Variants in TDP1 observed in about 807,000 individuals in gnomAD.
TDP1 encodes the protein tyrosyl-DNA phosphodiesterase 1, also known as tyr-DNA phosphodiesterase 1.
TDP1 carries 64 observed loss-of-function variants against 81.5 expected under a neutral mutation model. The observed-to-expected ratio is 0.79, with a 90% CI of 0.64 to 0.97. The LOEUF (loss-of-function observed/expected upper bound fraction) is 0.97. Ranked by LOEUF, TDP1 falls within the 50% of genes least tolerant of loss-of-function variation. The probability of loss-of-function intolerance (pLI) is 0.00; values close to 1 mark genes in which losing one functional copy is unlikely to be tolerated. For synonymous variants in TDP1, 256 were observed against 264.3 expected, an observed-to-expected ratio of 0.97 and a Z score of 0.30; for missense variants, 723 against 743.8, an observed-to-expected ratio of 0.97 and a Z score of 0.33.
chr14:90,038,370 C>G (rs1888025609), intron 16 of TDP1, among the ~76,000 whole-genome samples: 1 of 152,128 alleles, frequency 6.6e-6, no homozygotes, highest in Non-Finnish European at 1.5e-5. Context: ...ACCATTCTCC[C>G]ACTGCCTTAT....
intron 6 of TDP1, 62 bp downstream of exon 6, chr14:89,971,333 T>A: frequency 1.6e-6 from 2 of 1,220,230 alleles, no homozygotes; most frequent in Non-Finnish European, 2.4e-6. Flanking sequence ...ACTTAGACAT[T>A]TAGTCCACCC....
At chr14:90,015,805 A>T (rs529098033) in intron 14 of TDP1, among the ~76,000 whole-genome samples, 3 of 152,240 alleles carry the variant, frequency 2.0e-5, no homozygotes, top group African/African-American at 4.8e-5. Flanking sequence ...ACACCATCAC[A>T]TTGGGGGTTA....
At chr14:89,978,328 C>T (rs1021208312) in intron 7 of TDP1, among the ~76,000 whole-genome samples, 3 of 152,194 alleles carry the variant, frequency 2.0e-5, no homozygotes, top group Non-Finnish European at 4.4e-5. Context: ...CTGTAGATTC[C>T]ACAATTGTAG....
At chr14:90,039,977 T>C (rs1260312283) in intron 16 of TDP1, among the ~76,000 whole-genome samples, 1 of 152,186 alleles carries the variant, frequency 6.6e-6, no homozygotes, top group Non-Finnish European at 1.5e-5. Context: ...TCCCGTTACA[T>C]GGTACTACCT....
chr14:89,974,648 GC>G (rs1202731573), intron 6 of TDP1, among the ~76,000 whole-genome samples: 4 of 143,010 alleles, frequency 2.8e-5, no homozygotes, highest in Non-Finnish European at 6.1e-5. Flanking sequence ...TTGCATGCAG[GC>G]CCCCGTTGCT....
At chr14:90,032,323 A>G (rs1013767301) in intron 15 of TDP1, among the ~76,000 whole-genome samples, 17 of 152,072 alleles carry the variant, frequency 1.1e-4, no homozygotes, top group Admixed American at 9.8e-4. Flanking sequence ...GTATGTGCCT[A>G]TTGAGGATTT....
chr14:89,992,088 C>T (rs1184571087), intron 13 of TDP1, 105 bp downstream of exon 13: 3 of 932,182 alleles, frequency 3.2e-6, no homozygotes, highest in Non-Finnish European at 5.1e-6. Flanking sequence ...TGTAATATAG[C>T]TATATTCTTT....
At chr14:89,983,345 G>GT in intron 8 of TDP1, 1 of 275,428 alleles carries the variant, frequency 3.6e-6, no homozygotes, top group Non-Finnish European at 7.2e-6. Flanking sequence ...GCTACCTCCT[G>GT]TGCTAAGTGT....
chr14:89,985,971 G>A (rs989721455), intron 10 of TDP1, among the ~76,000 whole-genome samples: 8 of 152,260 alleles, frequency 5.3e-5, no homozygotes, highest in African/African-American at 1.9e-4. Context: ...AGATTGCAGT[G>A]AGCTGAGACC....
intron 14 of TDP1, among the ~76,000 whole-genome samples, chr14:90,017,806 G>A (rs1167983545): frequency 2.6e-5 from 4 of 152,142 alleles, no homozygotes; most frequent in Non-Finnish European, 4.4e-5. Context: ...TTTAAAAAAA[G>A]TTTTTTTCCT....
At chr14:89,995,689 C>G (rs1896601894) in intron 14 of TDP1, among the ~76,000 whole-genome samples, 1 of 152,198 alleles carries the variant, frequency 6.6e-6, no homozygotes, top group East Asian at 1.9e-4. Context: ...TTGTCTGTCA[C>G]TTTTTCTGAA....
At chr14:89,998,241 AG>A (rs1566890341) in intron 14 of TDP1, among the ~76,000 whole-genome samples, 2 of 151,778 alleles carry the variant, frequency 1.3e-5, no homozygotes, top group Admixed American at 6.6e-5. Flanking sequence ...CAATGAGTTA[AG>A]ATCAAGTTTT....
intron 9 of TDP1, 168 bp from the exon 10 acceptor site, chr14:89,984,964 A>T: frequency 1.1e-6 from 1 of 939,256 alleles, no homozygotes; most frequent in South Asian, 4.9e-5. Flanking sequence ...TAGGCATTCC[A>T]TCATTAGTTG....
intron 12 of TDP1, among the ~76,000 whole-genome samples, chr14:89,990,300 T>C (rs940263274): frequency 6.6e-6 from 1 of 152,186 alleles, no homozygotes; most frequent in African/African-American, 2.4e-5. Flanking sequence ...CCCTTTCCCT[T>C]ATACTCATAC....
intron 13 of TDP1, 124 bp from the exon 14 acceptor site, chr14:89,993,252 C>A: frequency 7.8e-7 from 1 of 1,285,012 alleles, no homozygotes; most frequent in Non-Finnish European, 1.1e-6. Flanking sequence ...TCACAGGTCA[C>A]AGAGTCGTGT....
At chr14:90,013,121 A>G (rs1884911610) in intron 14 of TDP1, among the ~76,000 whole-genome samples, 2 of 152,348 alleles carry the variant, frequency 1.3e-5, no homozygotes, top group South Asian at 2.1e-4. Context: ...GGTCATAGGC[A>G]GAAGGGACGT....
At chr14:89,979,396 G>A (rs1323792431) in intron 7 of TDP1, among the ~76,000 whole-genome samples, 2 of 150,744 alleles carry the variant, frequency 1.3e-5, no homozygotes, top group African/African-American at 2.4e-5. Context: ...TGCAACCTCC[G>A]CCTCCCAGCT....
chr14:90,041,228 A>G (rs1034410773), intron 16 of TDP1, among the ~76,000 whole-genome samples: 1 of 152,184 alleles, frequency 6.6e-6, no homozygotes, highest in Non-Finnish European at 1.5e-5. Flanking sequence ...GGAAGAGAGC[A>G]AGGGCTTGCT....
At chr14:89,982,809 C>CT (rs1895142116) in intron 8 of TDP1, among the ~76,000 whole-genome samples, 1 of 152,152 alleles carries the variant, frequency 6.6e-6, no homozygotes, top group South Asian at 2.1e-4. Context: ...ATTCTACTCT[C>CT]TAATGTTTTG....
Sources: gnomAD v4.1 joint callset for allele counts (sites outside exome capture counted in the v4.1 genomes callset) on GRCh38, gnomAD v4.1.1 for gene constraint, MANE v1.5 for transcripts, NCBI Gene and HGNC (gene_info 2026-07-23, HGNC 2026-07-21) for gene names.